Variants in KHDRBS2 observed in about 807,000 individuals in gnomAD.
The protein encoded by KHDRBS2 is KH RNA binding domain containing, signal transduction associated 2, also known as KH domain-containing, RNA-binding, signal transduction-associated protein 2.
A neutral mutation model predicts 44.3 loss-of-function variants in KHDRBS2; 26 were observed. That is an observed-to-expected ratio of 0.59 (90% CI 0.43 to 0.81). The LOEUF is 0.81. KHDRBS2 is among the 40% of genes least tolerant of loss of function. The probability of loss-of-function intolerance (pLI) is 0.00; values close to 1 mark genes in which losing one functional copy is unlikely to be tolerated. For synonymous variants in KHDRBS2, 194 were observed against 151.1 expected (o/e 1.28, Z -2.08); for missense variants, 476 against 433.1 (o/e 1.10, Z -0.88).
At chr6:61,775,301 G>C (rs565458866) in intron 6 of KHDRBS2, among the ~76,000 whole-genome samples, 2 of 152,150 alleles carry the variant, frequency 1.3e-5, no homozygotes, top group East Asian at 3.9e-4. Context: ...GGGCAATCAA[G>C]CAGCAGAAGG....
At chr6:61,589,508 A>T in the KHDRBS2 span, among the ~76,000 whole-genome samples, 2 of 152,178 alleles carry the variant, frequency 1.3e-5, no homozygotes, top group Non-Finnish European at 2.9e-5. Flanking sequence ...TTCAAGTAAC[A>T]TTTTCTTTAC....
At chr6:62,043,066 C>T (rs982413103) in intron 3 of KHDRBS2, among the ~76,000 whole-genome samples, 1 of 152,052 alleles carries the variant, frequency 6.6e-6, no homozygotes, top group African/African-American at 2.4e-5. Flanking sequence ...TCAAGATCTC[C>T]TATTTTCCTC....
intron 3 of KHDRBS2, among the ~76,000 whole-genome samples, chr6:62,046,700 T>C (rs910093654): frequency 2.6e-5 from 4 of 151,960 alleles, no homozygotes; most frequent in African/African-American, 7.2e-5. Flanking sequence ...CATGTCTAGA[T>C]GCTGGTGTGC....
intron 3 of KHDRBS2, among the ~76,000 whole-genome samples, chr6:62,001,076 C>T (rs1312952954): frequency 1.3e-5 from 2 of 152,168 alleles, no homozygotes; most frequent in African/African-American, 2.4e-5. Context: ...TTCCTGGCCT[C>T]ATTCAGACAT....
intron 2 of KHDRBS2, among the ~76,000 whole-genome samples, chr6:62,146,151 C>T (rs1385220594): frequency 1.3e-5 from 2 of 151,832 alleles, no homozygotes; most frequent in Non-Finnish European, 2.9e-5. Context: ...TTGAGAATTA[C>T]ATTTCTTCTC....
Position 61,933,300 on chromosome 6 carries a change from C to T in KHDRBS2, c.484-31929G>A, listed in dbSNP as rs181348773. On this transcript the variant is annotated intron_variant, in intron 4 of 8. Coordinates refer to ENST00000281156, the MANE Select transcript of KHDRBS2 (RefSeq NM_152688.4). The stretch of plus-strand genomic sequence containing the variant: ...TGTTCCAATCACCTCCCATGAAGTC[C>T]CTCCTCCAACACTGAGGATTACAAT... 4.3e-4 allele frequency among the ~76,000 whole-genome samples: 65 copies of T among 152,244 alleles called. No individual in the cohort carries two copies. In the East Asian group the frequency reaches 9.1e-3, roughly 21 times the overall value.
chr6:61,891,032 A>G (rs557513183), intron 6 of KHDRBS2, among the ~76,000 whole-genome samples: 30 of 152,312 alleles, frequency 2.0e-4, no homozygotes, highest in Non-Finnish European at 4.1e-4. Context: ...ACTTTATTTT[A>G]TAGTTAAATT....
chr6:61,883,753 T>A (rs79905930), intron 6 of KHDRBS2, among the ~76,000 whole-genome samples: 1,540 of 152,204 alleles, frequency 0.01, 12 homozygotes, highest in Middle Eastern at 0.017. Flanking sequence ...ATACATTTCA[T>A]TAACCTTGCA....
intron 4 of KHDRBS2, among the ~76,000 whole-genome samples, chr6:61,921,855 T>C (rs1414118675): frequency 6.6e-6 from 1 of 152,054 alleles, no homozygotes; most frequent in African/African-American, 2.4e-5. Context: ...TGTTGAATGA[T>C]GTGTTACTAC....
intron 6 of KHDRBS2, among the ~76,000 whole-genome samples, chr6:61,830,818 G>A (rs1346342917): frequency 6.6e-6 from 1 of 152,152 alleles, no homozygotes; most frequent in Admixed American, 6.5e-5. Flanking sequence ...CTTGCTATTA[G>A]TCATGATAAT....
intron 6 of KHDRBS2, among the ~76,000 whole-genome samples, chr6:61,872,946 C>A (rs1798873833): frequency 6.6e-6 from 1 of 152,162 alleles, no homozygotes; most frequent in Admixed American, 6.5e-5. Flanking sequence ...AGACTAAATA[C>A]ATTGCACTGA....
intron 6 of KHDRBS2, among the ~76,000 whole-genome samples, chr6:61,818,652 G>A (rs932486472): frequency 6.6e-6 from 1 of 151,994 alleles, no homozygotes; most frequent in African/African-American, 2.4e-5. Context: ...CATTGAAAAT[G>A]TGTGCCTCTT....
intron 6 of KHDRBS2, among the ~76,000 whole-genome samples, chr6:61,791,191 A>G (rs1228350526): frequency 1.3e-5 from 2 of 151,034 alleles, no homozygotes; most frequent in East Asian, 1.9e-4. Context: ...TAAATGATCA[A>G]CTTCCGGCTC....
At chr6:61,890,420 T>G (rs1006102572) in intron 6 of KHDRBS2, among the ~76,000 whole-genome samples, 1 of 152,242 alleles carries the variant, frequency 6.6e-6, no homozygotes. Context: ...TTGACTCATA[T>G]TCTACTGATG....
At chr6:62,044,991 T>A (rs1298226322) in intron 3 of KHDRBS2, among the ~76,000 whole-genome samples, 1 of 152,054 alleles carries the variant, frequency 6.6e-6, no homozygotes, top group African/African-American at 2.4e-5. Context: ...TAGGTAAATA[T>A]ATAAATTTAG....
rs186480738 is a variant in KHDRBS2, at chr6:61,825,353, T to C, written c.810+69282A>G. On this transcript the variant is annotated intron_variant, in intron 6 of 8. Coordinates refer to ENST00000281156, the MANE Select transcript of KHDRBS2 (RefSeq NM_152688.4). ...GAGTCCTTGGGATTGATGGTGTAAA[T>C]GCTGAATTTGCTCACATAAATAGCT... Among the ~76,000 whole-genome samples the C allele has an allele frequency of 2.0e-5, 3 of 152,308 alleles. No individual in the cohort carries two copies. In the East Asian group the frequency reaches 5.8e-4, roughly 29 times the overall value.
At chr6:61,546,560 C>A in the KHDRBS2 span, among the ~76,000 whole-genome samples, 1 of 151,970 alleles carries the variant, frequency 6.6e-6, no homozygotes, top group Non-Finnish European at 1.5e-5. Flanking sequence ...CTAAAGACAC[C>A]AAGCAATTCT....
chr6:62,067,756 C>T (rs1054902804), intron 2 of KHDRBS2, among the ~76,000 whole-genome samples: 28 of 151,644 alleles, frequency 1.8e-4, no homozygotes, highest in African/African-American at 6.8e-4. Context: ...TACACTTAAA[C>T]ATCCATTAAT....
chr6:61,829,384 T>A (rs1583049547), intron 6 of KHDRBS2, among the ~76,000 whole-genome samples: 1 of 152,200 alleles, frequency 6.6e-6, no homozygotes, highest in Middle Eastern at 3.4e-3. Context: ...GGCTTGTGAC[T>A]AACTCCTGAA....
Sources: gnomAD v4.1 joint callset for allele counts (sites outside exome capture counted in the v4.1 genomes callset) on GRCh38, gnomAD v4.1.1 for gene constraint, MANE v1.5 for transcripts, NCBI Gene and HGNC (gene_info 2026-07-23, HGNC 2026-07-21) for gene names.